The following PRMT8 variants were observed in gnomAD, a reference collection of about 807,000 sequenced individuals.
PRMT8 encodes protein arginine N-methyltransferase 8.
In PRMT8, 7 loss-of-function variants were observed where a neutral mutation model predicts 47.1. The observed-to-expected ratio is 0.15, with a 90% CI of 0.08 to 0.28. PRMT8 has a LOEUF of 0.28. PRMT8 is among the 10% of genes least tolerant of loss of function. PRMT8 has a pLI of 1.00. For synonymous variants in PRMT8, 188 were observed against 186.5 expected, an observed-to-expected ratio of 1.01 and a Z score of -0.07; for missense variants, 237 against 505.4, an observed-to-expected ratio of 0.47 and a Z score of 5.09.
chr12:3,415,661 C>A (rs1864476008), intron 1 of PRMT8, among the ~76,000 whole-genome samples: 1 of 152,182 alleles, frequency 6.6e-6, no homozygotes, highest in Non-Finnish European at 1.5e-5. Context: ...TCCCATGAGA[C>A]CCATAGAACA....
At chr12:3,511,178 G>A (rs190094566) in intron 1 of PRMT8, among the ~76,000 whole-genome samples, 34 of 152,272 alleles carry the variant, frequency 2.2e-4, no homozygotes, top group Non-Finnish European at 4.1e-4. Context: ...GGCCTCCAGG[G>A]TAGCTCCATG....
intron 4 of PRMT8, 96 bp downstream of exon 4, chr12:3,553,810 T>A (rs1483744582): frequency 2.6e-5 from 31 of 1,201,880 alleles, no homozygotes; most frequent in Non-Finnish European, 1.2e-6. Flanking sequence ...CGCAGAGCAC[T>A]TGGACTTGGG....
intron 9 of PRMT8, among the ~76,000 whole-genome samples, chr12:3,592,725 C>T (rs71458066): frequency 1.3e-5 from 2 of 152,254 alleles, no homozygotes; most frequent in East Asian, 1.9e-4. Context: ...TGGCCTGGTG[C>T]GAGGGAGACT....
At chr12:3,489,134 A>G (rs1284443818), upstream of PRMT8, among the ~76,000 whole-genome samples, 1 of 152,102 alleles carries the variant, frequency 6.6e-6, no homozygotes, top group Admixed American at 6.5e-5. Context: ...ATAGCTCTCC[A>G]TCTCAGCCTC....
chr12:3,494,102 G>T (rs958856375), intron 1 of PRMT8, among the ~76,000 whole-genome samples: 1 of 152,194 alleles, frequency 6.6e-6, no homozygotes, highest in African/African-American at 2.4e-5. Flanking sequence ...AGCGGCAGGA[G>T]CACGCCTCCA....
intron 2 of PRMT8, 72 bp from the exon 3 acceptor site, chr12:3,549,864 G>T: frequency 6.4e-7 from 1 of 1,564,796 alleles, no homozygotes; most frequent in Non-Finnish European, 8.7e-7. Context: ...GTGGTCCAGG[G>T]GCTCATAGCC....
At chr12:3,427,095 C>G (rs1864613504) in intron 1 of PRMT8, among the ~76,000 whole-genome samples, 1 of 151,972 alleles carries the variant, frequency 6.6e-6, no homozygotes. Context: ...TCCTTTAGCA[C>G]CTATTTTTAT....
At chr12:3,489,699 C>A (rs1215272099), upstream of PRMT8, among the ~76,000 whole-genome samples, 1 of 152,116 alleles carries the variant, frequency 6.6e-6, no homozygotes, top group Admixed American at 6.5e-5. Context: ...GGAGGAACGA[C>A]TGGGTGTTGT....
At position 3,557,038 on chromosome 12, in the gene PRMT8, A is replaced by C. The variant is rs892824661; in HGVS notation, c.481+3324A>C. On this transcript the variant is annotated intron_variant, in intron 4 of 9. Transcript: ENST00000382622. This position sits in a 1 kb window ranked among gnomAD's most constrained non-coding sequence, Gnocchi z 4.7. ...CTTGTTTTGCTGCTTTCATTTGCTT[A>C]GTGAAGAATGAGACAGTTGCATGCC... Among the ~76,000 whole-genome samples, 4 of 152,180 alleles carry C rather than the reference A, an allele frequency of 2.6e-5. No individual in the cohort carries two copies. Among genetic ancestry groups the C allele is most frequent in the African/African-American group, 9.7e-5 (4 of 41,440 alleles).
intron 1 of PRMT8, among the ~76,000 whole-genome samples, chr12:3,476,962 G>A (rs1345167248): frequency 1.3e-5 from 2 of 152,202 alleles, no homozygotes; most frequent in African/African-American, 2.4e-5. Context: ...GAGAGAATCC[G>A]TATCCTGCAC....
intron 1 of PRMT8, chr12:3,462,974 T>G (rs188647521): frequency 6.6e-6 from 1 of 152,024 alleles, no homozygotes; most frequent in Non-Finnish European, 1.5e-5. Flanking sequence ...TGGAGGGTGG[T>G]GAGCGGTAGA....
intron 7 of PRMT8, among the ~76,000 whole-genome samples, chr12:3,582,516 C>T (rs752537767): frequency 2.2e-4 from 34 of 152,240 alleles, no homozygotes; most frequent in Admixed American, 1.4e-3. Context: ...TGGGAACTTG[C>T]GTATCAAAAA....
At chr12:3,444,250 A>G (rs991808815) in intron 1 of PRMT8, among the ~76,000 whole-genome samples, 1 of 152,238 alleles carries the variant, frequency 6.6e-6, no homozygotes, top group East Asian at 1.9e-4. Context: ...TGCTTAGTAA[A>G]CACTCCTGAC....
chr12:3,392,657 T>A (rs1232450537), intron 1 of PRMT8, among the ~76,000 whole-genome samples: 1 of 152,024 alleles, frequency 6.6e-6, no homozygotes. Context: ...TTGTGAATAA[T>A]GCCGCAATAA....
In PRMT8 at chr12:3,491,383, G is replaced by A; in HGVS notation, c.-243G>A. 1 of 1,223,310 alleles carries A rather than the reference G, an allele frequency of 8.2e-7. No homozygotes were observed. The highest frequency in any genetic ancestry group is 1.0e-6 in the Non-Finnish European group (1 of 979,766). The allele number at this position is 1,223,310 out of a possible 1,614,324, so 75.8% of individuals were successfully genotyped here. A position where few individuals can be genotyped will look rare whatever the true frequency, so the allele number is the denominator to read the frequency against. On this transcript the variant is annotated 5_prime_UTR_variant, in exon 1 of 10. Coordinates refer to ENST00000382622, the MANE Select transcript of PRMT8 (RefSeq NM_019854.5). ...TGGAGAGGGGCGGGGAGGGGGTCGG[G>A]GGCACGAGAAGAACTTGAAACCGTG... is the stretch of plus-strand genomic sequence containing the variant.
chr12:3,487,992 A>C (rs1372609940), upstream of PRMT8, among the ~76,000 whole-genome samples: 2 of 152,240 alleles, frequency 1.3e-5, no homozygotes, highest in Non-Finnish European at 2.9e-5. Flanking sequence ...TCCACTGTAT[A>C]GCCAAGGTTG....
intron 4 of PRMT8, among the ~76,000 whole-genome samples, chr12:3,561,117 C>T (rs1035757658): frequency 6.6e-6 from 1 of 152,220 alleles, no homozygotes; most frequent in African/African-American, 2.4e-5. Flanking sequence ...TGCTACACAT[C>T]CCCAGTTCCT....
intron 4 of PRMT8, among the ~76,000 whole-genome samples, chr12:3,554,614 G>T (rs535551234): frequency 6.4e-4 from 98 of 152,366 alleles, no homozygotes; most frequent in Admixed American, 1.2e-3. Context: ...TCACTGCAGA[G>T]TTCCAAAAGG....
intron 1 of PRMT8, among the ~76,000 whole-genome samples, chr12:3,498,947 T>C (rs1298958330): frequency 1.3e-5 from 2 of 152,132 alleles, no homozygotes; most frequent in African/African-American, 2.4e-5. Context: ...GTTCCTTGCC[T>C]TTCTTCTGGT....
Sources: gnomAD v4.1 joint callset for allele counts (sites outside exome capture counted in the v4.1 genomes callset) on GRCh38, gnomAD v4.1.1 for gene constraint, Gnocchi (gnomAD v3.1) non-coding constraint, MANE v1.5 for transcripts, NCBI Gene and HGNC (gene_info 2026-07-23, HGNC 2026-07-21) for gene names.